The following MCC variants were observed in gnomAD, a reference collection of about 807,000 sequenced individuals.
MCC encodes the protein MCC regulator of Wnt signaling pathway.
A neutral mutation model predicts 116.2 loss-of-function variants in MCC; 90 were observed. That is an observed-to-expected ratio of 0.77 (90% CI 0.65 to 0.92). The LOEUF is 0.92. MCC is among the 40% of genes least tolerant of loss of function. MCC has a pLI of 0.00. For missense variants in MCC, 1,516 were observed against 1,312.2 expected (o/e 1.16, Z -2.40); for synonymous variants, 578 against 510.5 (o/e 1.13, Z -1.78).
At chr5:113,146,850 G>C (rs1235305884) in intron 4 of MCC, among the ~76,000 whole-genome samples, 2 of 151,988 alleles carry the variant, frequency 1.3e-5, no homozygotes, top group East Asian at 3.9e-4. Flanking sequence ...TTGCATCCAG[G>C]GTTCTTCCTC....
intron 3 of MCC, among the ~76,000 whole-genome samples, chr5:113,155,969 TC>T: frequency 6.6e-6 from 1 of 152,240 alleles, no homozygotes; most frequent in South Asian, 2.1e-4. Flanking sequence ...TATGGGAAAA[TC>T]TTTTTGAGAG....
At chr5:113,408,259 T>C (rs1487478210) in intron 1 of MCC, among the ~76,000 whole-genome samples, 2 of 152,164 alleles carry the variant, frequency 1.3e-5, no homozygotes, top group African/African-American at 4.8e-5. Context: ...AAACTTAACA[T>C]ATATAGTTTT....
Position 113,459,927 on chromosome 5 carries a change from T to G in MCC, c.170+28318A>C, listed in dbSNP as rs138442615. ...ATTTAGATAGATATTTAATAGATAC[T>G]TAAAGAAAGGACAAGTAAACATCCT... is the stretch of plus-strand genomic sequence containing the variant. On this transcript the variant is annotated intron_variant, in intron 1 of 18. Transcript: ENST00000408903. 4.9e-3 allele frequency among the ~76,000 whole-genome samples: 737 copies of G among 151,702 alleles called. 6 individuals carry two copies. The highest frequency in any genetic ancestry group is 0.017 in the African/African-American group (702 of 41,256).
At chr5:113,292,107 C>T (rs1766520337) in intron 3 of MCC, among the ~76,000 whole-genome samples, 2 of 152,248 alleles carry the variant, frequency 1.3e-5, no homozygotes, top group South Asian at 4.2e-4. Context: ...TGGCACATGC[C>T]TGTAATTCCA....
chr5:113,222,327 GTCTT>G (rs1487556491), intron 3 of MCC, among the ~76,000 whole-genome samples: 1 of 152,016 alleles, frequency 6.6e-6, no homozygotes, highest in Non-Finnish European at 1.5e-5. Flanking sequence ...TGCTAAAATT[GTCTT>G]TTTTTACATC....
At chr5:113,175,595 G>A (rs1003953405) in intron 3 of MCC, among the ~76,000 whole-genome samples, 9 of 152,042 alleles carry the variant, frequency 5.9e-5, no homozygotes, top group Non-Finnish European at 1.2e-4. Context: ...TAGGGATACT[G>A]CAATGTATTT....
chr5:113,134,479 A>G (rs1425743853), intron 5 of MCC, among the ~76,000 whole-genome samples: 1 of 148,332 alleles, frequency 6.7e-6, no homozygotes, highest in Non-Finnish European at 1.5e-5. Context: ...ACAGCTTTGT[A>G]GCATAATTTG....
At chr5:113,411,903 TG>T (rs745541284) in intron 1 of MCC, among the ~76,000 whole-genome samples, 7 of 152,094 alleles carry the variant, frequency 4.6e-5, no homozygotes, top group Non-Finnish European at 7.4e-5. Flanking sequence ...TTATAGTTTT[TG>T]GTCTAACATT....
At position 113,136,725 on chromosome 5, in the gene MCC, T is replaced by C. The variant is rs542520092; in HGVS notation, c.884+6493A>G. ...CCTGTAACTTTACTGAATGTATCAG[T>C]TCTAGAAGTTTTTTGTTGGAGTATT... On this transcript the variant is annotated intron_variant, in intron 5 of 18. Transcript: ENST00000408903. 7.2e-5 allele frequency among the ~76,000 whole-genome samples: 11 copies of C among 152,300 alleles called. No homozygotes were observed. The East Asian group carries it at 2.1e-3, about 29-fold the overall frequency.
intron 15 of MCC, among the ~76,000 whole-genome samples, chr5:113,050,814 C>G (rs921625316): frequency 7.9e-5 from 12 of 152,228 alleles, no homozygotes; most frequent in African/African-American, 2.9e-4. Context: ...TGCTGGCCAG[C>G]AAGGCGTCAG....
At chr5:113,243,931 G>T (rs1764477965) in intron 3 of MCC, among the ~76,000 whole-genome samples, 1 of 152,146 alleles carries the variant, frequency 6.6e-6, no homozygotes, top group Non-Finnish European at 1.5e-5. Flanking sequence ...CCAACACCCG[G>T]CTTGAGCCAG....
At chr5:113,275,239 A>C (rs1765779108) in intron 3 of MCC, among the ~76,000 whole-genome samples, 1 of 152,212 alleles carries the variant, frequency 6.6e-6, no homozygotes, top group Non-Finnish European at 1.5e-5. Flanking sequence ...CTAAGAGCTA[A>C]ATTGATTATA....
chr5:113,122,640 C>A, intron 6 of MCC, 44 bp downstream of exon 6: 1 of 1,600,596 alleles, frequency 6.2e-7, no homozygotes, highest in Non-Finnish European at 8.5e-7. Flanking sequence ...TATTACAATC[C>A]AGAAACCAAA....
At chr5:113,240,330 A>T (rs1463320546) in intron 3 of MCC, among the ~76,000 whole-genome samples, 1 of 152,160 alleles carries the variant, frequency 6.6e-6, no homozygotes, top group Non-Finnish European at 1.5e-5. Context: ...ATGAGCTAAT[A>T]TTATTATTAT....
At chr5:113,281,897 A>T (rs1346226222) in intron 3 of MCC, among the ~76,000 whole-genome samples, 1 of 152,218 alleles carries the variant, frequency 6.6e-6, no homozygotes, top group African/African-American at 2.4e-5. Flanking sequence ...CATCTTCAGC[A>T]AGTAGGCCCT....
chr5:113,255,466 A>G (rs1370594397), intron 3 of MCC, among the ~76,000 whole-genome samples: 1 of 152,186 alleles, frequency 6.6e-6, no homozygotes, highest in African/African-American at 2.4e-5. Flanking sequence ...CTTCGGTTGC[A>G]TATTTTTTTG....
intron 3 of MCC, among the ~76,000 whole-genome samples, chr5:113,244,196 G>A (rs1028570234): frequency 6.6e-6 from 1 of 152,132 alleles, no homozygotes; most frequent in Admixed American, 6.5e-5. Context: ...CCCCCAAATA[G>A]CATATGTAAT....
chr5:113,412,356 C>A (rs1770016263), intron 1 of MCC, among the ~76,000 whole-genome samples: 2 of 152,080 alleles, frequency 1.3e-5, no homozygotes, highest in Admixed American at 6.6e-5. Flanking sequence ...TATAAATTAC[C>A]TTGGGCAGTA....
At chr5:113,155,095 T>C (rs80163406) in intron 3 of MCC, among the ~76,000 whole-genome samples, 11,154 of 152,200 alleles carry the variant, frequency 0.073, 476 homozygotes, top group African/African-American at 0.1. Flanking sequence ...CTCTGTGAGA[T>C]CAACTTTTTT....
Sources: gnomAD v4.1 joint callset for allele counts (sites outside exome capture counted in the v4.1 genomes callset) on GRCh38, gnomAD v4.1.1 for gene constraint, MANE v1.5 for transcripts, NCBI Gene and HGNC (gene_info 2026-07-23, HGNC 2026-07-21) for gene names.